IMMP2L: variants seen among roughly 807,000 people sequenced by gnomAD.
IMMP2L encodes mitochondrial inner membrane protease subunit 2.
A neutral mutation model predicts 19.3 loss-of-function variants in IMMP2L; 18 were observed. That is an observed-to-expected ratio of 0.93 (90% CI 0.64 to 1.38). The LOEUF is 1.38. IMMP2L is among the 40% of genes most tolerant of loss of function. The probability of loss-of-function intolerance (pLI) is 0.00; values close to 1 mark genes in which losing one functional copy is unlikely to be tolerated. For synonymous variants in IMMP2L, 76 were observed against 73.0 expected (o/e 1.04, Z -0.21); for missense variants, 233 against 218.2 (o/e 1.07, Z -0.43).
chr7:111,280,836 G>A (rs1410340661), intron 3 of IMMP2L, among the ~76,000 whole-genome samples: 9 of 151,994 alleles, frequency 5.9e-5, no homozygotes, highest in Admixed American at 5.2e-4. Flanking sequence ...TTGGGAGGCC[G>A]AGGCAGGCAG....
At chr7:111,129,421 A>ATGT (rs1236337114) in intron 3 of IMMP2L, among the ~76,000 whole-genome samples, 5 of 150,458 alleles carry the variant, frequency 3.3e-5, no homozygotes, top group Non-Finnish European at 7.4e-5. Context: ...ACTATATTAT[A>ATGT]TGTTATATAT....
At chr7:111,491,380 C>A (rs1010873058) in intron 2 of IMMP2L, among the ~76,000 whole-genome samples, 5 of 152,036 alleles carry the variant, frequency 3.3e-5, no homozygotes, top group African/African-American at 1.2e-4. Context: ...CCTCGTTGTT[C>A]AAGAGTGAAC....
intron 5 of IMMP2L, among the ~76,000 whole-genome samples, chr7:110,876,557 A>G (rs947344695): frequency 1.3e-5 from 2 of 152,132 alleles, no homozygotes; most frequent in African/African-American, 4.8e-5. Context: ...AAGTTAGTTC[A>G]GTATTCCAGC....
intron 2 of IMMP2L, among the ~76,000 whole-genome samples, chr7:111,510,465 TA>T (rs1009226835): frequency 6.6e-6 from 1 of 151,840 alleles, no homozygotes; most frequent in Non-Finnish European, 1.5e-5. Flanking sequence ...TTTGACACGT[TA>T]AAAAAAACAT....
intron 3 of IMMP2L, among the ~76,000 whole-genome samples, chr7:111,077,352 T>C (rs868129231): frequency 4.6e-5 from 7 of 152,208 alleles, no homozygotes; most frequent in African/African-American, 7.2e-5. Flanking sequence ...GACAGAATTC[T>C]GTTTGGGGAT....
At chr7:110,994,049 C>A (rs967096961) in intron 3 of IMMP2L, among the ~76,000 whole-genome samples, 1 of 151,746 alleles carries the variant, frequency 6.6e-6, no homozygotes, top group African/African-American at 2.4e-5. Flanking sequence ...CTCTCTGTGC[C>A]ATCTCTAATG....
Position 110,728,544 on chromosome 7 carries a change from T to C in IMMP2L, c.409-64823A>G, listed in dbSNP as rs1056003661. Among the ~76,000 whole-genome samples the C allele has an allele frequency of 3.3e-5, 5 of 152,060 alleles. No individual in the cohort carries two copies. The highest frequency in any genetic ancestry group is 1.2e-4 in the African/African-American group (5 of 41,410). The stretch of plus-strand genomic sequence containing the variant: ...ATAAAATAACAATATTAAAGGCCCC[T>C]TTTGACCCACCTTACCTGCAAAGAA... On this transcript the variant is annotated intron_variant, in intron 5 of 5. Coordinates refer to ENST00000405709, the MANE Select transcript of IMMP2L (RefSeq NM_032549.4). This position sits in a 1 kb window ranked among gnomAD's most constrained non-coding sequence, Gnocchi z 4.6.
chr7:110,905,176 AC>A (rs1408288155), intron 4 of IMMP2L, among the ~76,000 whole-genome samples: 1 of 152,152 alleles, frequency 6.6e-6, no homozygotes, highest in Non-Finnish European at 1.5e-5. Context: ...GTAAAAAATA[AC>A]AAGTTTTTGG....
intron 5 of IMMP2L, among the ~76,000 whole-genome samples, chr7:110,774,058 A>C (rs1452738376): frequency 6.6e-6 from 1 of 152,034 alleles, no homozygotes; most frequent in African/African-American, 2.4e-5. Context: ...ATCCAACAAT[A>C]CTATGGGAAG....
intron 3 of IMMP2L, among the ~76,000 whole-genome samples, chr7:111,085,373 A>G (rs889774238): frequency 5.9e-5 from 9 of 152,224 alleles, no homozygotes; most frequent in African/African-American, 2.2e-4. Context: ...ACAGTGTAAA[A>G]GTGTTCCTTT....
chr7:110,956,199 C>A (rs988749796), intron 4 of IMMP2L, among the ~76,000 whole-genome samples: 1 of 151,960 alleles, frequency 6.6e-6, no homozygotes, highest in African/African-American at 2.4e-5. Flanking sequence ...TGACATTTTA[C>A]AATATAGTCC....
chr7:110,986,471 T>C (rs1821870413), intron 3 of IMMP2L, among the ~76,000 whole-genome samples: 1 of 152,146 alleles, frequency 6.6e-6, no homozygotes, highest in Non-Finnish European at 1.5e-5. Context: ...ATCTTAAAGA[T>C]ATGAAGGAGT....
At chr7:110,938,292 C>A (rs115184131) in intron 4 of IMMP2L, among the ~76,000 whole-genome samples, 1 of 152,128 alleles carries the variant, frequency 6.6e-6, no homozygotes, top group African/African-American at 2.4e-5. Flanking sequence ...AAACAATGTC[C>A]GCAAATGCCT....
intron 3 of IMMP2L, among the ~76,000 whole-genome samples, chr7:111,059,794 AG>A (rs1445218506): frequency 2.6e-5 from 4 of 152,178 alleles, no homozygotes; most frequent in Admixed American, 1.3e-4. Context: ...GGTGACTTCA[AG>A]TGTCTAAAAA....
At chr7:111,016,554 T>C (rs1478228349) in intron 3 of IMMP2L, among the ~76,000 whole-genome samples, 1 of 118,638 alleles carries the variant, frequency 8.4e-6, no homozygotes, top group South Asian at 2.3e-4. Flanking sequence ...ATATATAGTA[T>C]ATATAATATA....
At chr7:111,132,082 G>A (rs1002070511) in intron 3 of IMMP2L, among the ~76,000 whole-genome samples, 9 of 151,622 alleles carry the variant, frequency 5.9e-5, no homozygotes, top group African/African-American at 1.2e-4. Flanking sequence ...TCTCAGTTTC[G>A]CATCAGAAAA....
At chr7:111,199,874 T>C (rs1809919647) in intron 3 of IMMP2L, among the ~76,000 whole-genome samples, 1 of 152,108 alleles carries the variant, frequency 6.6e-6, no homozygotes, top group Non-Finnish European at 1.5e-5. Flanking sequence ...ATCCAGTCCC[T>C]CCAGGAAACT....
intron 2 of IMMP2L, among the ~76,000 whole-genome samples, 164 bp from the exon 3 acceptor site, chr7:111,487,505 G>A (rs1842754610): frequency 6.6e-6 from 1 of 152,034 alleles, no homozygotes; most frequent in Admixed American, 6.6e-5. Flanking sequence ...TTTCAAAAAG[G>A]CTCACTGGGA....
intron 3 of IMMP2L, among the ~76,000 whole-genome samples, chr7:111,198,125 C>G (rs986586671): frequency 2.6e-5 from 4 of 152,024 alleles, no homozygotes; most frequent in African/African-American, 9.7e-5. Context: ...TTTTCCTGTC[C>G]TCCAGGACAC....
Sources: gnomAD v4.1 joint callset for allele counts (sites outside exome capture counted in the v4.1 genomes callset) on GRCh38, gnomAD v4.1.1 for gene constraint, Gnocchi (gnomAD v3.1) non-coding constraint, MANE v1.5 for transcripts, NCBI Gene and HGNC (gene_info 2026-07-23, HGNC 2026-07-21) for gene names.